Variants in ZNF142 observed in about 807,000 individuals in gnomAD.
ZNF142 encodes the protein zinc finger protein 142 (clone pHZ-49).
A neutral mutation model predicts 132.1 loss-of-function variants in ZNF142; 96 were observed. The observed-to-expected ratio is 0.73, with a 90% CI of 0.62 to 0.86. ZNF142 has a LOEUF of 0.86. ZNF142 is among the 40% of genes least tolerant of loss of function. ZNF142 has a pLI of 0.00. For missense variants in ZNF142, 2,163 were observed against 2,336.2 expected, an observed-to-expected ratio of 0.93 and a Z score of 1.53; for synonymous variants, 842 against 890.1, an observed-to-expected ratio of 0.95 and a Z score of 0.96.
chr2:218,643,938 G>A lies in ZNF142; in HGVS notation c.3178C>T (p.Gln1060Ter). 3 of 1,614,104 alleles carry A rather than the reference G, an allele frequency of 1.9e-6. No homozygotes were observed. Among genetic ancestry groups the A allele is most frequent in the Non-Finnish European group, 2.5e-6 (3 of 1,179,992 alleles). ...ALNLHSRTGCQGRREPLLCPE... is the reference protein window; with the variant it reads ...ALNLHSRTGC ...CACAGCAGGGGCTCTCGGCGGCCTT[G>A]GCACCCAGTCCTGGAGTGCAGATTC... The change falls in exon 9 of 11, where the codon CAA becomes TAA. Residue 1060 changes from glutamine (Q) to a stop codon, truncating the protein, a stop_gained. Transcript: ENST00000411696. LOFTEE classifies it high-confidence loss of function.
intron 9 of ZNF142, 123 bp downstream of exon 9, chr2:218,641,905 G>C: frequency 7.9e-7 from 1 of 1,271,368 alleles, no homozygotes; most frequent in Non-Finnish European, 1.1e-6. Context: ...CTGAGGCTTG[G>C]TAAAGGAACT....
chr2:218,639,396 C>T (rs571814969), intron 10 of ZNF142, among the ~76,000 whole-genome samples: 1 of 152,322 alleles, frequency 6.6e-6, no homozygotes, highest in East Asian at 1.9e-4. Context: ...GGACCTCTAA[C>T]CAACTAGCTA....
Position 218,635,424 on chromosome 2 carries a change from C to T in ZNF142, c.*2915G>A, listed in dbSNP as rs986832997. On this transcript the variant is annotated 3_prime_UTR_variant, in exon 11 of 11. Transcript: ENST00000411696. Reference sequence around the variant, plus strand: ...CATGATCTTGGCTCACTGCAACCTCCGCCTCCTGGGTTCAAGTGATTCTCC... The same window carrying T: ...CATGATCTTGGCTCACTGCAACCTCTGCCTCCTGGGTTCAAGTGATTCTCC... Among the ~76,000 whole-genome samples, 3 of 152,162 alleles carry T rather than the reference C, an allele frequency of 2.0e-5. No individual in the cohort carries two copies. The highest frequency in any genetic ancestry group is 4.8e-5 in the African/African-American group (2 of 41,446).
chr2:218,658,502 T>C (rs531175198), intron 3 of ZNF142, among the ~76,000 whole-genome samples, 199 bp downstream of exon 3: 3 of 151,876 alleles, frequency 2.0e-5, no homozygotes, highest in South Asian at 4.2e-4. Flanking sequence ...GATCGCACCA[T>C]TGCACCCCAG....
chr2:218,644,566 G>C lies in ZNF142; in HGVS notation c.2550C>G (p.Pro850=), dbSNP rs1301017296. 3.7e-6 allele frequency: 6 copies of C among 1,614,114 alleles called. No homozygotes were observed. Among genetic ancestry groups the C allele is most frequent in the Non-Finnish European group, 5.1e-6 (6 of 1,180,042 alleles). Residue 850 remains proline, a synonymous_variant, in exon 9 of 11, where the codon CCC becomes CCG. Coordinates refer to ENST00000411696, the MANE Select transcript of ZNF142 (RefSeq NM_001379659.1). This position sits in a 1 kb window ranked among gnomAD's most constrained non-coding sequence, Gnocchi z 4.6. ...PGHEPGTVVD[P]SLDQALPEMS... Reference sequence around the variant, plus strand: ...TCTCTGGCAGGGCCTGGTCCAAGCTGGGGTCCACCACAGTCCCAGGTTCGT... The same window carrying C: ...TCTCTGGCAGGGCCTGGTCCAAGCTCGGGTCCACCACAGTCCCAGGTTCGT...
intron 4 of ZNF142, among the ~76,000 whole-genome samples, chr2:218,654,850 C>T (rs1313210557): frequency 6.6e-6 from 1 of 151,826 alleles, no homozygotes; most frequent in Admixed American, 6.6e-5. Flanking sequence ...TTTAGGAGGC[C>T]GAGGTGGGAA....
chr2:218,638,569 C>T lies in ZNF142; in HGVS notation c.5434G>A (p.Ala1812Thr). The T allele has an allele frequency of 6.2e-7, 1 of 1,612,006 alleles. No homozygotes were observed. The highest frequency in any genetic ancestry group is 8.5e-7 in the Non-Finnish European group (1 of 1,178,362). Residue 1812 changes from alanine to threonine, a missense_variant, in exon 11 of 11, where the codon GCC (alanine) becomes ACC (threonine). Ala to Thr is a moderately conservative substitution (Grantham distance 58, BLOSUM62 0). Transcript: ENST00000411696. ...GGGTGGCGGTCGGTGTGGGTGAGGG[C>T]ATGATGGCGCAGGCCAGCAGCCCAG... is the stretch of plus-strand genomic sequence containing the variant. ...FRWAAGLRHHALTHTDRHPFF... is the reference protein window; with the variant it reads ...FRWAAGLRHHTLTHTDRHPFF...
chr2:218,659,015 T>C lies in ZNF142; in HGVS notation c.-246A>G, dbSNP rs1938966999. On this transcript the variant is annotated 5_prime_UTR_variant, in exon 2 of 11. Coordinates refer to ENST00000411696, the MANE Select transcript of ZNF142 (RefSeq NM_001379659.1). The surrounding 1 kb of genome is among the most constrained non-coding windows in gnomAD (Gnocchi z 4.4). The stretch of plus-strand genomic sequence containing the variant: ...TGGACAGACACAGTCGCTTCGCTTC[T>C]CTGGGCCTCAGCTTTCCTATCTGTA... 1 of 152,230 alleles carries C rather than the reference T, an allele frequency of 6.6e-6. No homozygotes were observed. The allele number at this position is 152,230 out of a possible 1,614,324, so 9.4% of individuals were successfully genotyped here.
Position 218,649,001 on chromosome 2 carries a change from A to G in ZNF142, c.1507T>C (p.Phe503Leu), listed in dbSNP as rs375277955. ...TGGGTCTCCTTCAGGTGCTTAATGA[A>G]GGCCTTGCGGTCGGGTGCTGCATAG... The part of the protein sequence containing the change: ...CSYAAPDRKA[F>L]IKHLKETHGV... Residue 503 changes from phenylalanine to leucine, a missense_variant, in exon 7 of 11, where the codon TTC becomes CTC. Coordinates refer to ENST00000411696, the MANE Select transcript of ZNF142 (RefSeq NM_001379659.1). 1.3e-5 allele frequency: 21 copies of G among 1,612,256 alleles called. No individual in the cohort carries two copies. The highest frequency in any genetic ancestry group is 1.8e-5 in the Non-Finnish European group (21 of 1,180,044).
rs1173070227 is a variant in ZNF142 at position 218,646,244 on chromosome 2, T to G, written c.1978A>C (p.Thr660Pro). 1 of 1,614,224 alleles carries G rather than the reference T, an allele frequency of 6.2e-7. No homozygotes were observed. Among genetic ancestry groups the G allele is most frequent in the Admixed American group, 1.7e-5 (1 of 60,036 alleles). Residue 660 changes from threonine (T) to proline (P), a missense_variant, in exon 8 of 11, where the codon ACT becomes CCT. By Grantham distance (38) the Thr-to-Pro change is conservative. Around this residue, in one of 7 missense-constraint regions of ZNF142, gnomAD observed 749 missense variants for 830.3 expected, o/e 0.90. Coordinates refer to ENST00000411696, the MANE Select transcript of ZNF142 (RefSeq NM_001379659.1). ...THSNTKDYMC[T>P]ECGYVTKWKH... ...CACTTGGTGACATAGCCACATTCAG[T>G]GCACATGTAATCCTTGGTGTTGGAG...
chr2:218,647,292 A>G (rs9646857), intron 7 of ZNF142, among the ~76,000 whole-genome samples: 149,942 of 151,408 alleles, frequency 0.99, 74,263 homozygotes, highest in Middle Eastern at 1. Flanking sequence ...GCATGGTGGT[A>G]GATGCCTGTA....
In ZNF142 at chr2:218,650,653, T is replaced by C. The variant is rs943699286; in HGVS notation, c.881-127A>G. On this transcript the variant is annotated intron_variant, in intron 5 of 10. Coordinates refer to ENST00000411696, the MANE Select transcript of ZNF142 (RefSeq NM_001379659.1). The stretch of plus-strand genomic sequence containing the variant: ...TTTAGCATAAGGAGATCTTGGGTTT[T>C]ATGTATAAATGTATTTCCACTCAAG... 2.8e-5 allele frequency: 26 copies of C among 924,606 alleles called. No homozygotes were observed. In the African/African-American group the frequency reaches 4.0e-4, roughly 14 times the overall value. The allele number at this position is 924,606 out of a possible 1,614,324, so 57.3% of individuals were successfully genotyped here.
At chr2:218,639,593 G>A (rs562931673) in intron 10 of ZNF142, among the ~76,000 whole-genome samples, 10 of 152,180 alleles carry the variant, frequency 6.6e-5, no homozygotes, top group East Asian at 1.9e-4. Context: ...TTAGGTGGGC[G>A]TGGTGGCGTG....
chr2:218,656,762 T>C (rs1384727936), intron 3 of ZNF142, among the ~76,000 whole-genome samples: 1 of 151,804 alleles, frequency 6.6e-6, no homozygotes, highest in Non-Finnish European at 1.5e-5. Flanking sequence ...GCAATTTGGG[T>C]CTCAGATTTC....
At position 218,634,041 on chromosome 2, in the gene ZNF142, C is replaced by G. The variant is rs1213355981; in HGVS notation, c.*4298G>C. ...AGAAGGGTGAAGAGTAGGCATGGTCCTTGGGACTAGGGAAGTGGGAGATTC... is the reference window on the plus strand; with the variant it reads ...AGAAGGGTGAAGAGTAGGCATGGTCGTTGGGACTAGGGAAGTGGGAGATTC... On this transcript the variant is annotated 3_prime_UTR_variant, in exon 11 of 11. Coordinates refer to ENST00000411696, the MANE Select transcript of ZNF142 (RefSeq NM_001379659.1). This position sits in a 1 kb window ranked among gnomAD's most constrained non-coding sequence, Gnocchi z 4.0. 6.5e-6 allele frequency: 10 copies of G among 1,548,104 alleles called. No individual in the cohort carries two copies. The Middle Eastern group carries it at 5.0e-4, about 78-fold the overall frequency.
intron 8 of ZNF142, 105 bp downstream of exon 8, chr2:218,646,066 C>T: frequency 1.3e-6 from 2 of 1,485,262 alleles, no homozygotes; most frequent in Non-Finnish European, 1.8e-6. Context: ...GGAGGAGACT[C>T]TCCAGGGACC....
chr2:218,634,184 CA>C lies in ZNF142; in HGVS notation c.*4154del, dbSNP rs1172461728. 6.2e-7 allele frequency: 1 copy of C among 1,612,014 alleles called. No individual in the cohort carries two copies. On this transcript the variant is annotated 3_prime_UTR_variant, in exon 11 of 11. Transcript: ENST00000411696. This position sits in a 1 kb window ranked among gnomAD's most constrained non-coding sequence, Gnocchi z 4.0. ...GCCTGAGGACAGACTCTTCCAACTACAACCCCCAGGAACTCTGGAATGCAGG... is the reference window on the plus strand; with the variant it reads ...GCCTGAGGACAGACTCTTCCAACTACACCCCCAGGAACTCTGGAATGCAGG...
chr2:218,649,417 A>C lies in ZNF142; in HGVS notation c.1091T>G (p.Met364Arg). 6.2e-7 allele frequency: 1 copy of C among 1,612,048 alleles called. No individual in the cohort carries two copies. The highest frequency in any genetic ancestry group is 8.5e-7 in the Non-Finnish European group (1 of 1,178,940). The change falls in exon 7 of 11, where the codon ATG becomes AGG. Residue 364 changes from methionine (M) to arginine (R), a missense_variant. Met to Arg is a moderately conservative substitution (Grantham distance 91). This residue lies in a region of ZNF142 where 749 missense variants were observed against 830.3 expected (regional missense o/e 0.90). Transcript: ENST00000411696. ...SGTESLFKTH[M>R]CPECKRCFKK... ...AAAGCAGCGCTTACACTCTGGACAC[A>C]TATGGGTCTTGAAGAGGGACTCGGT...
chr2:218,648,963 A>G lies in ZNF142; in HGVS notation c.1545T>C (p.Ala515=), dbSNP rs1937706908. 6.2e-7 allele frequency: 1 copy of G among 1,612,550 alleles called. No individual in the cohort carries two copies. Among genetic ancestry groups the G allele is most frequent in the Non-Finnish European group, 8.5e-7 (1 of 1,180,032 alleles). The change falls in exon 7 of 11, where the codon GCT becomes GCC. Residue 515 remains alanine (A), a synonymous_variant. Coordinates refer to ENST00000411696, the MANE Select transcript of ZNF142 (RefSeq NM_001379659.1). ...KHLKETHGVR[A]VECRHHSCPM... is the part of the protein sequence containing the mutation. ...GACATGAGTGATGGCGGCACTCCAC[A>G]GCCCGCACCCCATGGGTCTCCTTCA...
Sources: gnomAD v4.1 joint callset for allele counts (sites outside exome capture counted in the v4.1 genomes callset) on GRCh38, gnomAD v4.1.1 for gene constraint, gnomAD v4.1.1 regional missense constraint, Gnocchi (gnomAD v3.1) non-coding constraint, MANE v1.5 for transcripts, NCBI Gene and HGNC (gene_info 2026-07-23, HGNC 2026-07-21) for gene names.